The following MS4A15 variants were observed in gnomAD, a reference collection of about 807,000 sequenced individuals.
MS4A15 encodes membrane-spanning 4-domains subfamily A member 15.
A neutral mutation model predicts 20.6 loss-of-function variants in MS4A15; 22 were observed. That is an observed-to-expected ratio of 1.07 (90% CI 0.76 to 1.52). MS4A15 has a LOEUF of 1.52. Among genes scored for constraint, MS4A15 ranks in the 40% most tolerant of loss-of-function variants. MS4A15 has a pLI of 0.00. For missense variants in MS4A15, 312 were observed against 323.0 expected (o/e 0.97, Z 0.26); for synonymous variants, 129 against 129.3 (o/e 1.00, Z 0.02).
chr11:60,771,505 C>T (rs1199350997), intron 4 of MS4A15, 158 bp downstream of exon 4: 7 of 1,537,056 alleles, frequency 4.6e-6, no homozygotes, highest in East Asian at 2.4e-5. Context: ...GCAGACCAGA[C>T]GCAGACTGTG....
chr11:60,775,557 C>G, intron 6 of MS4A15, 48 bp from the exon 7 acceptor site: 1 of 1,519,200 alleles, frequency 6.6e-7, no homozygotes, highest in Non-Finnish European at 9.1e-7. Flanking sequence ...AACCACTACC[C>G]TGAAGCTCCA....
Position 60,763,842 on chromosome 11 carries a change from C to T in MS4A15, c.109C>T (p.Pro37Ser), listed in dbSNP as rs202159539. The T allele has an allele frequency of 2.3e-3, 3,680 of 1,612,828 alleles. 7 individuals are homozygous for T. Among genetic ancestry groups the T allele is most frequent in the Non-Finnish European group, 2.9e-3 (3,440 of 1,179,898 alleles). The change falls in exon 2 of 7, where the codon CCA becomes TCA. Residue 37 changes from proline (P) to serine (S), a missense_variant. Transcript: ENST00000405633. ...TCTGCCCACATCCATGTGCCAACCT[C>T]CAGGGATTATGCAGTTTGAGGAGCC... ...AILPTSMCQP[P>S]GIMQFEEPPL...
intron 3 of MS4A15, among the ~76,000 whole-genome samples, chr11:60,767,931 G>A (rs1020171151): frequency 6.6e-6 from 1 of 152,216 alleles, no homozygotes; most frequent in African/African-American, 2.4e-5. Flanking sequence ...GGTGGCTCAT[G>A]CCTGTAATCC....
intron 6 of MS4A15, among the ~76,000 whole-genome samples, chr11:60,774,822 G>A (rs1448190847): frequency 1.3e-5 from 2 of 152,226 alleles, no homozygotes; most frequent in Admixed American, 6.5e-5. Flanking sequence ...ACGATGGGAT[G>A]CATTGAGGGT....
Position 60,767,655 on chromosome 11 carries a change from C to T in MS4A15, c.348C>T (p.Cys116=), listed in dbSNP as rs1355143479. ...EGGVPFWGGA[C]FIISGSLSVA... ...GCGTCCCCTTCTGGGGAGGAGCCTG[C>T]GTGAGTGCCGGGGCCATGGAGAGGG... The change falls in exon 3 of 7, where the codon TGC becomes TGT. Residue 116 remains cysteine (C), a splice_region_variant and synonymous_variant. Transcript: ENST00000405633. The T allele has an allele frequency of 1.9e-6, 3 of 1,547,818 alleles. No homozygotes were observed. The highest frequency in any genetic ancestry group is 2.0e-5 in the Admixed American group (1 of 50,328).
chr11:60,761,341 T>G (rs570684424), intron 1 of MS4A15, among the ~76,000 whole-genome samples: 1 of 152,362 alleles, frequency 6.6e-6, no homozygotes, highest in East Asian at 1.9e-4. Context: ...GCTTGCAAAC[T>G]TGACCTTTAT....
At chr11:60,765,100 G>C (rs1231780494) in intron 2 of MS4A15, among the ~76,000 whole-genome samples, 1 of 152,158 alleles carries the variant, frequency 6.6e-6, no homozygotes, top group African/African-American at 2.4e-5. Context: ...ATCAGCTGCA[G>C]CTAGGTGTCT....
At chr11:60,772,234 G>C (rs763057493) in intron 4 of MS4A15, among the ~76,000 whole-genome samples, 1 of 152,202 alleles carries the variant, frequency 6.6e-6, no homozygotes, top group Non-Finnish European at 1.5e-5. Flanking sequence ...GGGGTGGGCC[G>C]AGAGGGAGAG....
rs1430478371 is a variant in MS4A15, at chr11:60,757,029, G to A, written c.-58G>A. 6.6e-6 allele frequency: 1 copy of A among 152,206 alleles called. No homozygotes were observed. Among genetic ancestry groups the A allele is most frequent in the East Asian group, 1.9e-4 (1 of 5,190 alleles). The allele number at this position is 152,206 out of a possible 1,614,324, so 9.4% of individuals were successfully genotyped here. A position where few individuals can be genotyped will look rare whatever the true frequency, so the allele number is the denominator to read the frequency against. The stretch of plus-strand genomic sequence containing the variant: ...TCGCCTTGAAGTTACGCTTGAAGGA[G>A]GAAAACTCATCAATTTTCGGGGAAT... On this transcript the variant is annotated 5_prime_UTR_variant, in exon 1 of 7. Coordinates refer to ENST00000405633, the MANE Select transcript of MS4A15 (RefSeq NM_001098835.2).
rs374510154 is a variant in MS4A15, at chr11:60,771,248, G to A, written c.349-43G>A. On this transcript the variant is annotated intron_variant, in intron 3 of 6. Coordinates refer to ENST00000405633, the MANE Select transcript of MS4A15 (RefSeq NM_001098835.2). Reference sequence around the variant, plus strand: ...TCCCAAGCAGGGTCTGCCCTGCCCAGGGTCCTGGCTGAGGCCTCACCTGGT... The same window carrying A: ...TCCCAAGCAGGGTCTGCCCTGCCCAAGGTCCTGGCTGAGGCCTCACCTGGT... 2.5e-6 allele frequency: 4 copies of A among 1,610,404 alleles called. No individual in the cohort carries two copies. The Admixed American group carries it at 5.0e-5, about 20-fold the overall frequency.
At chr11:60,770,811 T>C (rs1162022592) in intron 3 of MS4A15, among the ~76,000 whole-genome samples, 3 of 151,712 alleles carry the variant, frequency 2.0e-5, no homozygotes, top group Non-Finnish European at 4.4e-5. Context: ...GTTCAAGTGA[T>C]CCTTGCTCCT....
intron 1 of MS4A15, among the ~76,000 whole-genome samples, chr11:60,759,526 C>T (rs938658296): frequency 5.3e-5 from 8 of 152,104 alleles, no homozygotes; most frequent in Non-Finnish European, 1.0e-4. Flanking sequence ...GCCCGACACC[C>T]GTAAAGGGTC....
Position 60,771,294 on chromosome 11 carries a change from A to G in MS4A15, c.352A>G (p.Ile118Val), listed in dbSNP as rs927864427. 6.2e-7 allele frequency: 1 copy of G among 1,613,594 alleles called. No homozygotes were observed. The highest frequency in any genetic ancestry group is 8.5e-7 in the Non-Finnish European group (1 of 1,179,952). The change falls in exon 4 of 7, where the codon ATC becomes GTC. Residue 118 changes from isoleucine (I) to valine (V), a missense_variant. Physicochemically the swap from Ile to Val is conservative, Grantham distance 29. Coordinates refer to ENST00000405633, the MANE Select transcript of MS4A15 (RefSeq NM_001098835.2). ...GVPFWGGACF[I>V]ISGSLSVAAE... Reference sequence around the variant, plus strand: ...CTGGTCCCCTCTCCCCATACAGTTCATCATCTCCGGATCCCTCTCAGTGGC... The same window carrying G: ...CTGGTCCCCTCTCCCCATACAGTTCGTCATCTCCGGATCCCTCTCAGTGGC...
At chr11:60,765,881 C>A (rs1333473452) in intron 2 of MS4A15, among the ~76,000 whole-genome samples, 18 of 137,862 alleles carry the variant, frequency 1.3e-4, no homozygotes, top group African/African-American at 2.1e-4. Context: ...TCTCCCCCTC[C>A]AAAAAAAAAA....
At chr11:60,761,178 T>A (rs753802506) in intron 1 of MS4A15, among the ~76,000 whole-genome samples, 6 of 152,204 alleles carry the variant, frequency 3.9e-5, no homozygotes, top group Non-Finnish European at 5.9e-5. Flanking sequence ...TGTCTTACCC[T>A]TCAGTGGAAA....
intron 3 of MS4A15, among the ~76,000 whole-genome samples, chr11:60,769,262 G>C (rs920685846): frequency 2.0e-5 from 3 of 152,218 alleles, no homozygotes; most frequent in Admixed American, 6.5e-5. Flanking sequence ...TAATCATTGT[G>C]TTGGATCTTC....
intron 3 of MS4A15, among the ~76,000 whole-genome samples, chr11:60,769,056 C>T (rs1470369593): frequency 6.6e-6 from 1 of 152,156 alleles, no homozygotes; most frequent in Non-Finnish European, 1.5e-5. Flanking sequence ...CGGGAGAACC[C>T]ATGGGGAGAA....
intron 2 of MS4A15, 136 bp from the exon 3 acceptor site, chr11:60,767,397 T>C: frequency 1.4e-5 from 16 of 1,146,390 alleles, no homozygotes; most frequent in Non-Finnish European, 1.9e-5. Context: ...ATATCGCCTC[T>C]AAAGAACAGA....
In MS4A15 at chr11:60,773,491, T is replaced by C; in HGVS notation, c.498+7T>C. 6.2e-7 allele frequency: 1 copy of C among 1,612,964 alleles called. No individual in the cohort carries two copies. On this transcript the variant is annotated splice_region_variant and intron_variant, in intron 5 of 6. Transcript: ENST00000405633. ...TTTTGGTGTTACCAACCGGGTGCGT[T>C]GTCAGATGGCCCTCGGGGTGGGAAA... is the stretch of plus-strand genomic sequence containing the variant.
Sources: allele counts gnomAD v4.1 joint callset (sites outside exome capture counted in the v4.1 genomes callset), GRCh38; gene constraint gnomAD v4.1.1; transcripts MANE v1.5; gene names NCBI Gene and HGNC (gene_info 2026-07-23, HGNC 2026-07-21).